The following INO80 variants were observed in gnomAD, a reference collection of about 807,000 sequenced individuals.
The protein encoded by INO80 is INO80 complex ATPase subunit.
In INO80, 20 loss-of-function variants were observed where a neutral mutation model predicts 203.4. That is an observed-to-expected ratio of 0.10 (90% CI 0.07 to 0.14). INO80 has a LOEUF of 0.14. Among genes scored for constraint, INO80 ranks in the 10% least tolerant of loss-of-function variants. The pLI is 1.00. For missense variants in INO80, 1,419 were observed against 1,914.4 expected, an observed-to-expected ratio of 0.74 and a Z score of 4.83; for synonymous variants, 726 against 685.2, an observed-to-expected ratio of 1.06 and a Z score of -0.93.
intron 24 of INO80, among the ~76,000 whole-genome samples, chr15:41,028,717 A>G (rs1348745254): frequency 3.9e-5 from 6 of 152,044 alleles, no homozygotes; most frequent in Non-Finnish European, 5.9e-5. Flanking sequence ...ATTAGCCAGC[A>G]TGGTGGCGGA....
At chr15:41,009,436 T>C (rs1596255535) in intron 27 of INO80, among the ~76,000 whole-genome samples, 2 of 132,700 alleles carry the variant, frequency 1.5e-5, no homozygotes, top group African/African-American at 5.8e-5. Context: ...CCTGTGTCCA[T>C]GTGTTCTCAT....
At chr15:41,028,661 A>T (rs2044412880) in intron 24 of INO80, among the ~76,000 whole-genome samples, 1 of 151,482 alleles carries the variant, frequency 6.6e-6, no homozygotes, top group South Asian at 2.1e-4. Flanking sequence ...GTTTGAGACT[A>T]GCCTGGCCAA....
chr15:41,026,389 C>T (rs1170745800), intron 25 of INO80, among the ~76,000 whole-genome samples: 1 of 151,750 alleles, frequency 6.6e-6, no homozygotes, highest in Non-Finnish European at 1.5e-5. Flanking sequence ...CTCGTCTTTA[C>T]AAAAAATTTA....
intron 28 of INO80, among the ~76,000 whole-genome samples, chr15:41,000,091 C>T (rs1041199193): frequency 6.6e-6 from 1 of 152,090 alleles, no homozygotes; most frequent in African/African-American, 2.4e-5. Flanking sequence ...AGTGAGATCC[C>T]ATCTCTTAAA....
At chr15:41,022,270 A>G (rs2044305412) in intron 25 of INO80, among the ~76,000 whole-genome samples, 1 of 152,232 alleles carries the variant, frequency 6.6e-6, no homozygotes, top group Non-Finnish European at 1.5e-5. Flanking sequence ...TCAGAACATA[A>G]AACACCGGCT....
chr15:41,034,460 C>T (rs2044538845), intron 24 of INO80, among the ~76,000 whole-genome samples: 2 of 152,130 alleles, frequency 1.3e-5, no homozygotes, highest in African/African-American at 4.8e-5. Context: ...ACTGATCTGT[C>T]TCCACAGAGG....
chr15:41,083,293 A>G (rs1272961488), intron 7 of INO80, among the ~76,000 whole-genome samples: 19 of 151,706 alleles, frequency 1.3e-4, no homozygotes, highest in African/African-American at 4.4e-4. Flanking sequence ...AAAAAAAAAA[A>G]GAATGCTCAA....
At position 40,997,678 on chromosome 15, in the gene INO80, G is replaced by A. The variant is rs959581577; in HGVS notation, c.3498-77C>T. ...CATGTATCAATAGAGAGAGATCTCT[G>A]AATACAGAACATAAAGTCTAGGACT... On this transcript the variant is annotated intron_variant, in intron 28 of 35. Coordinates refer to ENST00000648947, the MANE Select transcript of INO80 (RefSeq NM_017553.3). The A allele has an allele frequency of 1.7e-5, 15 of 907,460 alleles. 1 individual carries two copies. Among genetic ancestry groups the A allele is most frequent in the Non-Finnish European group, 2.7e-5 (15 of 545,998 alleles). The allele number at this position is 907,460 out of a possible 1,614,324, so 56.2% of individuals were successfully genotyped here.
chr15:41,069,773 A>G lies in INO80; in HGVS notation c.1687-108T>C, dbSNP rs568391647. The G allele has an allele frequency of 9.4e-5, 60 of 640,778 alleles. No individual in the cohort carries two copies. In the African/African-American group the frequency reaches 9.8e-4, roughly 10 times the overall value. 39.7% of individuals were successfully genotyped at this position (640,778 alleles called of 1,614,324 possible). On this transcript the variant is annotated intron_variant, in intron 13 of 35. Coordinates refer to ENST00000648947, the MANE Select transcript of INO80 (RefSeq NM_017553.3). ...CTAAGAATAGGAAACAAATAACAAG[A>G]GAAACAGTGAGTAAATCCCAAATCT...
intron 7 of INO80, among the ~76,000 whole-genome samples, chr15:41,083,874 T>C (rs1484523788): frequency 2.6e-5 from 4 of 152,204 alleles, no homozygotes; most frequent in Non-Finnish European, 5.9e-5. Context: ...CACCAGCTTA[T>C]TCTACTCATC....
At chr15:41,016,310 C>G (rs2044210033) in intron 26 of INO80, 95 bp from the exon 27 acceptor site, 2 of 1,207,756 alleles carry the variant, frequency 1.7e-6, no homozygotes, top group South Asian at 2.9e-5. Context: ...ATCACTAAAA[C>G]CAAGATGCTT....
Position 41,081,051 on chromosome 15 carries a change from G to T in INO80, c.896C>A (p.Ala299Asp). Reference protein sequence around the residue: ...LPKANKQKASARNLFLTNSRK... With the variant: ...LPKANKQKASDRNLFLTNSRK... ...GCTATTGGTGAGAAACAGGTTACGA[G>T]CTGAAGCTTTCTGCTTATTTGCCTA... is the stretch of plus-strand genomic sequence containing the variant. The change falls in exon 8 of 36, where the codon GCT becomes GAT. Residue 299 changes from alanine (A) to aspartate (D), a missense_variant. Physicochemically the swap from Ala to Asp is moderately radical, Grantham distance 126. Around this residue, in one of 9 missense-constraint regions of INO80, gnomAD observed 87 missense variants for 150.5 expected, o/e 0.58. Transcript: ENST00000648947. 6.2e-7 allele frequency: 1 copy of T among 1,600,866 alleles called. No individual in the cohort carries two copies. The highest frequency in any genetic ancestry group is 8.6e-7 in the Non-Finnish European group (1 of 1,168,584).
chr15:41,014,858 T>TA (rs1258457414), intron 27 of INO80, among the ~76,000 whole-genome samples: 5 of 152,204 alleles, frequency 3.3e-5, no homozygotes, highest in African/African-American at 9.7e-5. Flanking sequence ...TCTGTACTGA[T>TA]ATGGTCCCTA....
rs1394658635 is a variant in INO80 at position 41,007,183 on chromosome 15, T to C, written c.3403-1496A>G. Among the ~76,000 whole-genome samples the C allele has an allele frequency of 9.2e-3, 382 of 41,316 alleles. 2 individuals are homozygous for C. The highest frequency in any genetic ancestry group is 0.03 in the South Asian group (58 of 1,964). The allele number at this position is 41,316 out of a possible 152,430, so 27.1% of individuals were successfully genotyped here. A position where few individuals can be genotyped will look rare whatever the true frequency, so the allele number is the denominator to read the frequency against. On this transcript the variant is annotated intron_variant, in intron 27 of 35. Coordinates refer to ENST00000648947, the MANE Select transcript of INO80 (RefSeq NM_017553.3). The stretch of plus-strand genomic sequence containing the variant: ...CACAGGCACTCTTTTTTTTTTTTTC[T>C]TTTTTTTTTTTTTTTTTTTAGACAC...
At chr15:41,098,252 C>A (rs1368320286) in intron 1 of INO80, among the ~76,000 whole-genome samples, 1 of 152,050 alleles carries the variant, frequency 6.6e-6, no homozygotes, top group African/African-American at 2.4e-5. Flanking sequence ...AGTGTAACTT[C>A]TAGAAAAACC....
intron 29 of INO80, among the ~76,000 whole-genome samples, chr15:40,989,678 A>G (rs1235554313): frequency 6.6e-6 from 1 of 152,196 alleles, no homozygotes; most frequent in Non-Finnish European, 1.5e-5. Context: ...GCTCTCTGCC[A>G]GTTACACACC....
rs867989609 is a variant in INO80 at position 40,991,803 on chromosome 15, T to C, written c.3571-3829A>G. On this transcript the variant is annotated intron_variant, in intron 29 of 35. Transcript: ENST00000648947. ...TTCTTTTTTTTTTTGAGATGGAGTC[T>C]TGCTCTGTCGCCCAGGCTGGAGTGC... Among the ~76,000 whole-genome samples, 6 of 152,052 alleles carry C rather than the reference T, an allele frequency of 3.9e-5. No individual in the cohort carries two copies. In the South Asian group the frequency reaches 8.3e-4, roughly 21 times the overall value.
chr15:41,053,158 T>C (rs1231281416), intron 19 of INO80, among the ~76,000 whole-genome samples: 3 of 152,096 alleles, frequency 2.0e-5, no homozygotes, highest in African/African-American at 7.2e-5. Context: ...CAGGCTGGAG[T>C]GCAGTGGCAC....
chr15:41,100,366 G>C (rs2045790203), intron 1 of INO80, among the ~76,000 whole-genome samples: 1 of 152,150 alleles, frequency 6.6e-6, no homozygotes, highest in Admixed American at 6.6e-5. Context: ...GAGCCACTGT[G>C]CCCGGCCAAT....
Sources: gnomAD v4.1 joint callset for allele counts (sites outside exome capture counted in the v4.1 genomes callset) on GRCh38, gnomAD v4.1.1 for gene constraint, gnomAD v4.1.1 regional missense constraint, MANE v1.5 for transcripts, NCBI Gene and HGNC (gene_info 2026-07-23, HGNC 2026-07-21) for gene names.